STXBP6: variants seen among roughly 807,000 people sequenced by gnomAD.
STXBP6 encodes syntaxin-binding protein 6.
In STXBP6, 21 loss-of-function variants were observed where a neutral mutation model predicts 26.9. That is an observed-to-expected ratio of 0.78 (90% CI 0.55 to 1.12). The LOEUF (loss-of-function observed/expected upper bound fraction) is 1.12, where lower values mean the gene tolerates loss of function less well. STXBP6 is among the 50% of genes most tolerant of loss of function. STXBP6 has a pLI of 0.00. For missense variants in STXBP6, 232 were observed against 257.9 expected (o/e 0.90, Z 0.69); for synonymous variants, 97 against 92.6 (o/e 1.05, Z -0.27).
At chr14:24,899,042 T>C (rs1318615255) in intron 2 of STXBP6, among the ~76,000 whole-genome samples, 2 of 152,176 alleles carry the variant, frequency 1.3e-5, no homozygotes, top group African/African-American at 4.8e-5. Context: ...CTCCCAACCC[T>C]CTAATGCTGC....
At chr14:24,996,884 AAAGAG>A (rs2074618687) in intron 1 of STXBP6, among the ~76,000 whole-genome samples, 1 of 151,470 alleles carries the variant, frequency 6.6e-6, no homozygotes, top group South Asian at 2.1e-4. Context: ...AAAAAAAAAA[AAAGAG>A]AAGGGAACGC....
chr14:24,878,634 A>T (rs2070234825), intron 2 of STXBP6: 1 of 184,434 alleles, frequency 5.4e-6, no homozygotes, highest in Non-Finnish European at 1.1e-5. Flanking sequence ...ATTTATTTTT[A>T]AATTTATTTT....
intron 1 of STXBP6, among the ~76,000 whole-genome samples, chr14:24,977,900 A>T (rs2074091688): frequency 6.6e-6 from 1 of 152,236 alleles, no homozygotes; most frequent in Non-Finnish European, 1.5e-5. Context: ...TGTACTAAGT[A>T]TCACAAGGAT....
intron 1 of STXBP6, among the ~76,000 whole-genome samples, chr14:25,002,358 A>ATTTTTTTTTT (rs1566552415): frequency 8.2e-5 from 9 of 110,214 alleles, no homozygotes; most frequent in South Asian, 2.6e-4. Context: ...AATTCTTATG[A>ATTTTTTTTTT]CTTTTTTTTT....
chr14:25,001,213 A>C (rs1278137489), intron 1 of STXBP6, among the ~76,000 whole-genome samples: 1 of 152,180 alleles, frequency 6.6e-6, no homozygotes, highest in Non-Finnish European at 1.5e-5. Context: ...TGAGTGATTA[A>C]TGTGCTGAGT....
At chr14:24,999,513 C>T (rs1296008555) in intron 1 of STXBP6, among the ~76,000 whole-genome samples, 2 of 152,106 alleles carry the variant, frequency 1.3e-5, no homozygotes, top group Non-Finnish European at 2.9e-5. Flanking sequence ...TCTAAAGAAG[C>T]TCACAGATGG....
intron 2 of STXBP6, among the ~76,000 whole-genome samples, chr14:24,941,794 C>A (rs1471374035): frequency 6.6e-6 from 1 of 152,214 alleles, no homozygotes; most frequent in Non-Finnish European, 1.5e-5. Flanking sequence ...TGAGAGAGTG[C>A]CATTGCATGT....
intron 1 of STXBP6, among the ~76,000 whole-genome samples, chr14:25,022,941 G>A (rs977693730): frequency 6.6e-6 from 1 of 152,188 alleles, no homozygotes; most frequent in African/African-American, 2.4e-5. Context: ...GCCTTCCTCA[G>A]AGTTCTTATT....
chr14:24,820,295 G>A (rs764892697), intron 4 of STXBP6, among the ~76,000 whole-genome samples: 1 of 152,152 alleles, frequency 6.6e-6, no homozygotes, highest in Non-Finnish European at 1.5e-5. Flanking sequence ...AGCTGCAAAG[G>A]GTTCTTAATT....
intron 1 of STXBP6, among the ~76,000 whole-genome samples, chr14:24,976,852 CT>C (rs71121808): frequency 0.09 from 4,040 of 44,932 alleles, 33 homozygotes; most frequent in Non-Finnish European, 0.11. Context: ...ACTGGGCGCT[CT>C]TTTTTTTTTT....
intron 1 of STXBP6, among the ~76,000 whole-genome samples, chr14:24,989,163 T>C (rs1595262861): frequency 6.6e-6 from 1 of 152,236 alleles, no homozygotes; most frequent in South Asian, 2.1e-4. Context: ...ACCCCACTAC[T>C]CCCTATTCCA....
intron 1 of STXBP6, among the ~76,000 whole-genome samples, chr14:24,986,567 G>A (rs563218151): frequency 1.3e-5 from 2 of 152,302 alleles, no homozygotes; most frequent in South Asian, 4.1e-4. Flanking sequence ...ACCTATTCCA[G>A]GCCCTGGTAA....
intron 2 of STXBP6, among the ~76,000 whole-genome samples, chr14:24,932,903 A>C (rs1051385620): frequency 6.6e-6 from 1 of 152,284 alleles, no homozygotes; most frequent in African/African-American, 2.4e-5. Flanking sequence ...TGTTTTGACC[A>C]TGTTAAGTTT....
intron 1 of STXBP6, among the ~76,000 whole-genome samples, chr14:25,009,976 TGCTAACAAC>T (rs1438191775): frequency 6.6e-6 from 1 of 152,120 alleles, no homozygotes; most frequent in African/African-American, 2.4e-5. Flanking sequence ...CAAACACAAC[TGCTAACAAC>T]AGTGGCTCAC....
chr14:24,940,493 C>T (rs77295655), intron 2 of STXBP6, among the ~76,000 whole-genome samples: 3,411 of 152,240 alleles, frequency 0.022, 126 homozygotes, highest in African/African-American at 0.077. Context: ...GTCATCTGTA[C>T]CTTTTTATTA....
intron 1 of STXBP6, among the ~76,000 whole-genome samples, chr14:25,032,638 A>G (rs1345604396): frequency 1.3e-5 from 2 of 152,200 alleles, no homozygotes; most frequent in Non-Finnish European, 2.9e-5. Flanking sequence ...AGCTCCCACT[A>G]GTGGTGGGGA....
rs187358720 is a variant in STXBP6 at position 24,858,830 on chromosome 14, G to T, written c.155-1673C>A. On this transcript the variant is annotated intron_variant, in intron 2 of 5. Transcript: ENST00000323944. ...GGCAGGTCTTAAAATGTGCTTAAAA[G>T]ATTAAAAAAGGCTTTTCAATAACAG... 4.7e-3 allele frequency among the ~76,000 whole-genome samples: 712 copies of T among 152,182 alleles called. 6 individuals carry two copies. Among genetic ancestry groups the T allele is most frequent in the African/African-American group, 0.017 (690 of 41,560 alleles).
At chr14:24,842,241 C>CT (rs1168973381) in intron 4 of STXBP6, among the ~76,000 whole-genome samples, 6 of 152,280 alleles carry the variant, frequency 3.9e-5, no homozygotes, top group African/African-American at 1.4e-4. Flanking sequence ...TTGGTCACAG[C>CT]GTATTTGTAA....
chr14:24,868,129 G>A (rs534038540), intron 2 of STXBP6, among the ~76,000 whole-genome samples: 90 of 152,258 alleles, frequency 5.9e-4, no homozygotes, highest in African/African-American at 2.1e-3. Context: ...AGCCGGGGAG[G>A]CAGAAGTTGC....
Sources: gnomAD v4.1 joint callset for allele counts (sites outside exome capture counted in the v4.1 genomes callset) on GRCh38, gnomAD v4.1.1 for gene constraint, MANE v1.5 for transcripts, NCBI Gene and HGNC (gene_info 2026-07-23, HGNC 2026-07-21) for gene names.